RFX3: variants seen among roughly 807,000 people sequenced by gnomAD.
RFX3 encodes the protein regulatory factor X3, also known as transcription factor RFX3.
RFX3 carries 14 observed loss-of-function variants against 98.6 expected under a neutral mutation model. The ratio of observed to expected loss-of-function variants is 0.14; its 90% CI spans 0.09 to 0.22. The LOEUF (loss-of-function observed/expected upper bound fraction) is 0.22. Among genes scored for constraint, RFX3 ranks in the 10% least tolerant of loss-of-function variants. RFX3 has a pLI of 1.00. For synonymous variants in RFX3, 383 were observed against 328.4 expected (o/e 1.17, Z -1.80); for missense variants, 639 against 926.9 (o/e 0.69, Z 4.03).
intron 16 of RFX3, 84 bp from the exon 17 acceptor site, chr9:3,225,364 A>T: frequency 3.9e-6 from 6 of 1,545,598 alleles, no homozygotes; most frequent in Non-Finnish European, 5.2e-6. Flanking sequence ...ACACTTTAAT[A>T]TAGGACATTA....
chr9:3,234,104 T>C (rs1298444318), intron 15 of RFX3, among the ~76,000 whole-genome samples: 3 of 152,188 alleles, frequency 2.0e-5, no homozygotes, highest in African/African-American at 4.8e-5. Context: ...AAGTCTAATA[T>C]CACTATGTTA....
intron 1 of RFX3, among the ~76,000 whole-genome samples, chr9:3,456,362 A>C (rs904224364): frequency 6.6e-6 from 1 of 152,166 alleles, no homozygotes; most frequent in Non-Finnish European, 1.5e-5. Context: ...TATATGCAAA[A>C]TTTTATGTTA....
chr9:3,280,884 C>T (rs960344708), intron 7 of RFX3, among the ~76,000 whole-genome samples: 1 of 151,776 alleles, frequency 6.6e-6, no homozygotes, highest in Non-Finnish European at 1.5e-5. Context: ...TGTAGAAATA[C>T]ATCAATTAAT....
chr9:3,477,370 T>C (rs1242150255), intron 1 of RFX3, among the ~76,000 whole-genome samples: 1 of 152,226 alleles, frequency 6.6e-6, no homozygotes, highest in Non-Finnish European at 1.5e-5. Context: ...TAACATTTCT[T>C]AGAGTTCGTG....
chr9:3,255,874 T>C (rs1386046550), intron 14 of RFX3, among the ~76,000 whole-genome samples: 1 of 152,226 alleles, frequency 6.6e-6, no homozygotes, highest in Non-Finnish European at 1.5e-5. Context: ...TAATAAGCTA[T>C]GTTACTGTCT....
At chr9:3,468,080 C>A (rs942298623) in intron 1 of RFX3, among the ~76,000 whole-genome samples, 2 of 152,110 alleles carry the variant, frequency 1.3e-5, no homozygotes, top group Admixed American at 6.5e-5. Flanking sequence ...AGAAACGATG[C>A]CTCAAGTTTT....
At chr9:3,323,775 G>C (rs1181205659) in intron 4 of RFX3, among the ~76,000 whole-genome samples, 2 of 152,180 alleles carry the variant, frequency 1.3e-5, no homozygotes, top group Non-Finnish European at 2.9e-5. Context: ...ATGCTCAGGA[G>C]AGAATGAAGG....
At chr9:3,266,448 C>T in intron 11 of RFX3, 143 bp from the exon 12 acceptor site, 2 of 448,520 alleles carry the variant, frequency 4.5e-6, no homozygotes, top group East Asian at 3.3e-5. Flanking sequence ...CTTTATTTAA[C>T]ATTATTCCTA....
intron 15 of RFX3, among the ~76,000 whole-genome samples, chr9:3,234,281 G>A (rs1029908102): frequency 6.6e-6 from 1 of 152,226 alleles, no homozygotes. Flanking sequence ...CCCTACCAGT[G>A]TAGTGCAAAA....
intron 7 of RFX3, among the ~76,000 whole-genome samples, chr9:3,280,615 G>T (rs368831702): frequency 6.6e-6 from 1 of 151,762 alleles, no homozygotes; most frequent in Non-Finnish European, 1.5e-5. Context: ...ACAAATACCA[G>T]TAGCAACTGA....
chr9:3,289,404 A>C (rs752536507), intron 6 of RFX3, among the ~76,000 whole-genome samples: 5 of 152,122 alleles, frequency 3.3e-5, no homozygotes, highest in Non-Finnish European at 7.4e-5. Context: ...CCCGTAAAGA[A>C]AGGTCTTCTA....
intron 3 of RFX3, among the ~76,000 whole-genome samples, chr9:3,343,224 G>C (rs1031330310): frequency 6.6e-6 from 1 of 152,188 alleles, no homozygotes; most frequent in Non-Finnish European, 1.5e-5. Flanking sequence ...GGTGACAAGA[G>C]CATTAGCGAG....
chr9:3,457,837 G>A (rs1388025554), intron 1 of RFX3, among the ~76,000 whole-genome samples: 1 of 152,036 alleles, frequency 6.6e-6, no homozygotes, highest in Non-Finnish European at 1.5e-5. Flanking sequence ...AGAATACAAA[G>A]ATGCCTGAGA....
At chr9:3,251,225 G>C (rs186518276) in intron 14 of RFX3, among the ~76,000 whole-genome samples, 1 of 152,072 alleles carries the variant, frequency 6.6e-6, no homozygotes, top group African/African-American at 2.4e-5. Flanking sequence ...GAAAAATATA[G>C]TTAAATAGCC....
At chr9:3,338,650 G>C (rs949887168) in intron 3 of RFX3, among the ~76,000 whole-genome samples, 1 of 152,132 alleles carries the variant, frequency 6.6e-6, no homozygotes, top group Non-Finnish European at 1.5e-5. Context: ...AACTGGAGTG[G>C]GCACCAAAAG....
chr9:3,403,064 T>C (rs186927625), intron 1 of RFX3, among the ~76,000 whole-genome samples: 174 of 152,244 alleles, frequency 1.1e-3, no homozygotes, highest in African/African-American at 4.0e-3. Flanking sequence ...TTTAAATATA[T>C]GTTTAAATAG....
chr9:3,400,481 G>A (rs1199014852), intron 1 of RFX3, among the ~76,000 whole-genome samples: 1 of 152,146 alleles, frequency 6.6e-6, no homozygotes, highest in Non-Finnish European at 1.5e-5. Context: ...TATATGTTCT[G>A]TTTATTCCCA....
At chr9:3,450,990 C>T (rs560495180) in intron 1 of RFX3, among the ~76,000 whole-genome samples, 15 of 152,186 alleles carry the variant, frequency 9.9e-5, no homozygotes, top group Admixed American at 5.2e-4. Flanking sequence ...TAAAAAGAAT[C>T]GGACTTCCAT....
At chr9:3,449,947 C>T (rs997630095) in intron 1 of RFX3, among the ~76,000 whole-genome samples, 2 of 150,808 alleles carry the variant, frequency 1.3e-5, no homozygotes, top group South Asian at 4.2e-4. Flanking sequence ...TAGTGATCAT[C>T]GTAGCCCAGG....
Sources: allele counts gnomAD v4.1 joint callset (sites outside exome capture counted in the v4.1 genomes callset), GRCh38; gene constraint gnomAD v4.1.1; transcripts MANE v1.5; gene names NCBI Gene and HGNC (gene_info 2026-07-23, HGNC 2026-07-21).